Variants in FHIT observed in about 807,000 individuals in gnomAD.
FHIT encodes the protein fragile histidine triad diadenosine triphosphatase, also known as bis(5'-adenosyl)-triphosphatase.
FHIT carries 19 observed loss-of-function variants against 17.9 expected under a neutral mutation model. That is an observed-to-expected ratio of 1.06 (90% confidence interval 0.74 to 1.56). The LOEUF (loss-of-function observed/expected upper bound fraction) is 1.56, where lower values mean the gene tolerates loss of function less well. Among genes scored for constraint, FHIT ranks in the 40% most tolerant of loss-of-function variants. The pLI is 0.00. For synonymous variants in FHIT, 81 were observed against 69.7 expected, an observed-to-expected ratio of 1.16 and a Z score of -0.81; for missense variants, 248 against 189.2, an observed-to-expected ratio of 1.31 and a Z score of -1.82.
At chr3:60,615,014 G>A (rs1439605141) in intron 4 of FHIT, among the ~76,000 whole-genome samples, 2 of 151,862 alleles carry the variant, frequency 1.3e-5, no homozygotes, top group Non-Finnish European at 1.5e-5. Flanking sequence ...ACTATTAGTA[G>A]AGACAGGGTT....
chr3:59,877,105 T>C (rs111857596), intron 8 of FHIT, among the ~76,000 whole-genome samples: 11 of 152,204 alleles, frequency 7.2e-5, no homozygotes, highest in African/African-American at 1.4e-4. Context: ...TGCAGGGAAA[T>C]TGAAGAGTAG....
intron 2 of FHIT, among the ~76,000 whole-genome samples, chr3:61,193,650 C>A (rs997890667): frequency 6.6e-6 from 1 of 152,188 alleles, no homozygotes; most frequent in Admixed American, 6.5e-5. Context: ...GCAATTCATG[C>A]AGCATTCAAA....
chr3:61,040,387 G>A (rs1171294788), intron 3 of FHIT, among the ~76,000 whole-genome samples: 1 of 152,144 alleles, frequency 6.6e-6, no homozygotes, highest in Non-Finnish European at 1.5e-5. Context: ...GAGCAATTTA[G>A]GAAAAATGGA....
intron 4 of FHIT, among the ~76,000 whole-genome samples, chr3:60,567,178 C>T (rs2037169336): frequency 1.3e-5 from 2 of 152,074 alleles, no homozygotes; most frequent in African/African-American, 4.8e-5. Flanking sequence ...AAGAACAAAG[C>T]TGGAGGCATC....
intron 5 of FHIT, among the ~76,000 whole-genome samples, chr3:60,435,434 TA>T (rs2030132146): frequency 1.3e-5 from 1 of 77,000 alleles, no homozygotes; most frequent in African/African-American, 4.1e-5. Context: ...TATAACGTAA[TA>T]AAAATGATTT....
At chr3:60,860,984 CATATATACGTATATATCCAT>C (rs1553752052) in intron 3 of FHIT, among the ~76,000 whole-genome samples, 1 of 99,200 alleles carries the variant, frequency 1.0e-5, no homozygotes, top group African/African-American at 3.6e-5. Flanking sequence ...ATATATGATA[CATATATACGTATATATCCAT>C]ATATATGATA....
intron 2 of FHIT, among the ~76,000 whole-genome samples, chr3:61,179,301 C>T (rs2038257610): frequency 6.6e-6 from 1 of 152,134 alleles, no homozygotes; most frequent in Non-Finnish European, 1.5e-5. Context: ...AGCCACCATG[C>T]CCAGCCAAGC....
intron 5 of FHIT, among the ~76,000 whole-genome samples, chr3:60,460,595 T>C (rs1408253989): frequency 6.6e-6 from 1 of 152,174 alleles, no homozygotes; most frequent in African/African-American, 2.4e-5. Context: ...CTTGGTAAAA[T>C]AAATACATTC....
chr3:61,223,980 C>G (rs763541180), intron 1 of FHIT, among the ~76,000 whole-genome samples: 1 of 152,202 alleles, frequency 6.6e-6, no homozygotes, highest in Non-Finnish European at 1.5e-5. Flanking sequence ...CATTGCTCCT[C>G]TATGGGTTAC....
At chr3:60,329,464 A>G (rs1210764580) in intron 5 of FHIT, among the ~76,000 whole-genome samples, 1 of 152,222 alleles carries the variant, frequency 6.6e-6, no homozygotes, top group Non-Finnish European at 1.5e-5. Context: ...GAACAATGCA[A>G]CTACTAATCA....
At chr3:60,932,490 A>T (rs1708007848) in intron 3 of FHIT, among the ~76,000 whole-genome samples, 1 of 152,164 alleles carries the variant, frequency 6.6e-6, no homozygotes, top group Admixed American at 6.5e-5. Context: ...GAATTGGAGG[A>T]AAGAGTCTGG....
intron 3 of FHIT, among the ~76,000 whole-genome samples, chr3:60,875,344 C>G (rs1704595806): frequency 6.6e-6 from 1 of 152,150 alleles, no homozygotes; most frequent in African/African-American, 2.4e-5. Flanking sequence ...ACTGACTATC[C>G]TACTCCCACT....
intron 5 of FHIT, among the ~76,000 whole-genome samples, chr3:60,365,613 T>A (rs1700076311): frequency 6.6e-6 from 1 of 152,202 alleles, no homozygotes. Context: ...TGTATCACAG[T>A]CATAGACCAC....
intron 8 of FHIT, among the ~76,000 whole-genome samples, chr3:59,878,864 C>G (rs1257364168): frequency 6.6e-6 from 1 of 152,146 alleles, no homozygotes; most frequent in African/African-American, 2.4e-5. Context: ...GCAGCTAATT[C>G]ACTGTTCCCA....
At chr3:61,178,503 G>A (rs1005831676) in intron 2 of FHIT, among the ~76,000 whole-genome samples, 6 of 149,090 alleles carry the variant, frequency 4.0e-5, no homozygotes, top group African/African-American at 1.5e-4. Context: ...ATGTAGTCTG[G>A]CCTGTAAGCC....
At chr3:60,830,442 G>C (rs1427562848) in intron 3 of FHIT, among the ~76,000 whole-genome samples, 2 of 152,056 alleles carry the variant, frequency 1.3e-5, no homozygotes, top group African/African-American at 4.8e-5. Context: ...GAAATATAAG[G>C]TACCATTAGA....
At chr3:60,060,158 G>A (rs2106922354) in intron 5 of FHIT, among the ~76,000 whole-genome samples, 1 of 151,230 alleles carries the variant, frequency 6.6e-6, no homozygotes, top group East Asian at 1.9e-4. Flanking sequence ...CAAAAATAAA[G>A]AACATAATGG....
At chr3:60,752,268 G>A (rs1246123220) in intron 4 of FHIT, among the ~76,000 whole-genome samples, 1 of 152,182 alleles carries the variant, frequency 6.6e-6, no homozygotes, top group Non-Finnish European at 1.5e-5. Flanking sequence ...CAAAAAGAAA[G>A]CATACTTCAG....
rs141623709 is a variant in FHIT at position 61,195,624 on chromosome 3, T to C, written c.-164+4993A>G. On this transcript the variant is annotated intron_variant, in intron 2 of 9. Transcript: ENST00000492590. ...CCCACTGATTTTGAATCTCTGAAGA[T>C]AGAACTCAGAAATTTTTTTTAAGTA... Among the ~76,000 whole-genome samples the C allele has an allele frequency of 5.1e-4, 77 of 152,306 alleles. No homozygotes were observed. The East Asian group carries it at 0.013, about 26-fold the overall frequency.
Sources: gnomAD v4.1 joint callset for allele counts (sites outside exome capture counted in the v4.1 genomes callset) on GRCh38, gnomAD v4.1.1 for gene constraint, MANE v1.5 for transcripts, NCBI Gene and HGNC (gene_info 2026-07-23, HGNC 2026-07-21) for gene names.